MYO10: variants seen among roughly 807,000 people sequenced by gnomAD.
MYO10 encodes myosin X, also known as unconventional myosin-X.
A neutral mutation model predicts 257.3 loss-of-function variants in MYO10; 133 were observed. The ratio of observed to expected loss-of-function variants is 0.52; its 90% confidence interval spans 0.45 to 0.60. The LOEUF (loss-of-function observed/expected upper bound fraction) is 0.60, where lower values mean the gene tolerates loss of function less well. Among genes scored for constraint, MYO10 ranks in the 20% least tolerant of loss-of-function variants. The probability of loss-of-function intolerance (pLI) is 0.00; values close to 1 mark genes in which losing one functional copy is unlikely to be tolerated. For synonymous variants in MYO10, 1,104 were observed against 1,028.6 expected, an observed-to-expected ratio of 1.07 and a Z score of -1.40; for missense variants, 2,399 against 2,635.7, an observed-to-expected ratio of 0.91 and a Z score of 1.97.
In MYO10 at chr5:16,802,285, G is replaced by C. The variant is rs1007647619; in HGVS notation, c.280-7452C>G. Among the ~76,000 whole-genome samples, 8 of 152,160 alleles carry C rather than the reference G, an allele frequency of 5.3e-5. 1 individual carries two copies. The South Asian group carries it at 1.5e-3, about 28-fold the overall frequency. ...TAACGTAAATATACTTAACGCTATC[G>C]AACTGTGCATTAACAACGGCTGTGA... On this transcript the variant is annotated intron_variant, in intron 3 of 40. Transcript: ENST00000513610.
chr5:16,738,279 G>A (rs1490848774), intron 19 of MYO10: 2 of 985,360 alleles, frequency 2.0e-6, no homozygotes, highest in African/African-American at 1.7e-5. Context: ...TCAGGAAGGA[G>A]GGGTGGTTAG....
chr5:16,675,950 T>C (rs1330043953), intron 34 of MYO10, 81 bp downstream of exon 34: 1 of 1,444,648 alleles, frequency 6.9e-7, no homozygotes, highest in South Asian at 1.3e-5. Context: ...TAAAAACAAA[T>C]GCTTCTGTGT....
chr5:16,677,657 C>T (rs1019432658), intron 33 of MYO10, among the ~76,000 whole-genome samples: 2 of 151,968 alleles, frequency 1.3e-5, no homozygotes, highest in African/African-American at 4.8e-5. Context: ...TTTCGTGACC[C>T]GCCTGCCTTG....
At chr5:16,679,840 TGATTACA>T (rs1211567600) in intron 33 of MYO10, 100 bp downstream of exon 33, 1 of 1,425,582 alleles carries the variant, frequency 7.0e-7, no homozygotes, top group Admixed American at 2.4e-5. Flanking sequence ...GCACTAGTTT[TGATTACA>T]GAAAAAAAAC....
intron 8 of MYO10, 137 bp downstream of exon 8, chr5:16,780,387 T>C: frequency 1.3e-6 from 1 of 773,388 alleles, no homozygotes; most frequent in East Asian, 2.8e-5. Flanking sequence ...CAGCATCTTT[T>C]TGGTGTTCGC....
chr5:16,822,726 C>G (rs764240741), intron 2 of MYO10, among the ~76,000 whole-genome samples: 1 of 147,622 alleles, frequency 6.8e-6, no homozygotes, highest in Non-Finnish European at 1.5e-5. Context: ...CTCCCTCTGT[C>G]GCCCAGGCTG....
intron 22 of MYO10, among the ~76,000 whole-genome samples, chr5:16,703,394 A>G (rs1561195585): frequency 6.6e-6 from 1 of 152,240 alleles, no homozygotes; most frequent in African/African-American, 2.4e-5. Context: ...TTGGCTAAAT[A>G]AACACATAAC....
chr5:16,933,244 A>T (rs532123179), intron 1 of MYO10, among the ~76,000 whole-genome samples: 1 of 152,270 alleles, frequency 6.6e-6, no homozygotes, highest in Admixed American at 6.5e-5. Context: ...GGATAGGGTT[A>T]ACAATTACTG....
chr5:16,882,261 A>G (rs1744773681), intron 1 of MYO10, among the ~76,000 whole-genome samples: 1 of 152,220 alleles, frequency 6.6e-6, no homozygotes, highest in Non-Finnish European at 1.5e-5. Context: ...TTTCCTGGAT[A>G]TAATAAAAGG....
intron 3 of MYO10, among the ~76,000 whole-genome samples, chr5:16,813,148 A>T (rs1742492902): frequency 6.6e-6 from 1 of 152,132 alleles, no homozygotes. Context: ...CAGAACAGAA[A>T]GTCAACAAAT....
chr5:16,825,147 G>A (rs1742962461), intron 2 of MYO10, among the ~76,000 whole-genome samples: 1 of 151,980 alleles, frequency 6.6e-6, no homozygotes, highest in South Asian at 2.1e-4. Flanking sequence ...TCCTGGCCCT[G>A]GATCTTGCAC....
chr5:16,674,941 G>A lies in MYO10; in HGVS notation c.4876C>T (p.Leu1626=). Residue 1626 remains leucine (L), a synonymous_variant, in exon 35 of 41, where the codon CTG becomes TTG. Coordinates refer to ENST00000513610, the MANE Select transcript of MYO10 (RefSeq NM_012334.3). ...KVPHPGSVGN[L]YSWQILTCLS... ...CATGTCAGGATCTGCCAGCTGTACA[G>A]GTTGCCCACACTGCCGGGGTGGGGC... The A allele has an allele frequency of 6.2e-7, 1 of 1,614,022 alleles. No individual in the cohort carries two copies. Among genetic ancestry groups the A allele is most frequent in the Non-Finnish European group, 8.5e-7 (1 of 1,179,892 alleles).
intron 38 of MYO10, 107 bp downstream of exon 38, chr5:16,671,315 A>C: frequency 7.4e-7 from 1 of 1,353,498 alleles, no homozygotes; most frequent in Non-Finnish European, 1.0e-6. Context: ...TGGGAAATCC[A>C]CAGGTGTGCC....
intron 2 of MYO10, among the ~76,000 whole-genome samples, chr5:16,835,272 A>G (rs891746266): frequency 1.3e-4 from 20 of 152,020 alleles, no homozygotes; most frequent in African/African-American, 4.8e-4. Flanking sequence ...GTGGTGGCTC[A>G]TGCCTGTAAT....
At chr5:16,925,238 C>T (rs1746100737) in intron 1 of MYO10, among the ~76,000 whole-genome samples, 3 of 152,068 alleles carry the variant, frequency 2.0e-5, no homozygotes, top group Admixed American at 2.0e-4. Context: ...GAAAACTTTT[C>T]CTCAATCAGA....
chr5:16,758,295 T>C lies in MYO10; in HGVS notation c.1740-69A>G. 2.9e-6 allele frequency: 3 copies of C among 1,049,108 alleles called. No homozygotes were observed. The South Asian group carries it at 3.8e-5, about 13-fold the overall frequency. 65.0% of individuals were successfully genotyped at this position (1,049,108 alleles called of 1,614,324 possible). On this transcript the variant is annotated intron_variant, in intron 17 of 40. Coordinates refer to ENST00000513610, the MANE Select transcript of MYO10 (RefSeq NM_012334.3). ...ATTATTAGGTGCAAGATTATTGTAA[T>C]TAATGGTGCCCTTTCTCAATGATAA...
At chr5:16,762,666 A>G in intron 14 of MYO10, 29 bp from the exon 15 acceptor site, 1 of 1,524,722 alleles carries the variant, frequency 6.6e-7, no homozygotes, top group Non-Finnish European at 8.9e-7. Context: ...AAAATGAATT[A>G]AAAGTTGAAT....
rs888647120 is a variant in MYO10 at position 16,936,007 on chromosome 5, C to T, written c.-199G>A. On this transcript the variant is annotated 5_prime_UTR_variant, in exon 1 of 41. Transcript: ENST00000513610. Reference sequence around the variant, plus strand: ...CCCAAACCCAAGTCCCTAACTCGCCCGTCCCGACGGCAGCCTTTGTCTCTT... The same window carrying T: ...CCCAAACCCAAGTCCCTAACTCGCCTGTCCCGACGGCAGCCTTTGTCTCTT... 3.2e-5 allele frequency: 20 copies of T among 620,840 alleles called. No individual in the cohort carries two copies. The highest frequency in any genetic ancestry group is 5.4e-5 in the Non-Finnish European group (19 of 352,182). 38.5% of individuals were successfully genotyped at this position (620,840 alleles called of 1,614,324 possible).
intron 2 of MYO10, among the ~76,000 whole-genome samples, chr5:16,867,609 A>G (rs1312618919): frequency 6.6e-6 from 1 of 152,246 alleles, no homozygotes; most frequent in Non-Finnish European, 1.5e-5. Context: ...CGATGGCATT[A>G]ACTCCAACAA....
Sources: allele counts gnomAD v4.1 joint callset (sites outside exome capture counted in the v4.1 genomes callset), GRCh38; gene constraint gnomAD v4.1.1; transcripts MANE v1.5; gene names NCBI Gene and HGNC (gene_info 2026-07-23, HGNC 2026-07-21).